Variants in ACVR1C observed in about 807,000 individuals in gnomAD.
ACVR1C encodes activin A receptor type 1C, also known as activin receptor type-1C.
Under a neutral mutation model 57.9 loss-of-function variants are expected in ACVR1C, and 23 were observed. That is an observed-to-expected ratio of 0.40 (90% confidence interval 0.29 to 0.56). The LOEUF (loss-of-function observed/expected upper bound fraction) is 0.56. Ranked by LOEUF, ACVR1C falls within the 20% of genes least tolerant of loss-of-function variation. The pLI is 0.50. For missense variants in ACVR1C, 480 were observed against 607.9 expected, an observed-to-expected ratio of 0.79 and a Z score of 2.21; for synonymous variants, 214 against 215.3, an observed-to-expected ratio of 0.99 and a Z score of 0.05.
intron 1 of ACVR1C, chr2:157,597,296 A>C: frequency 2.1e-6 from 2 of 957,712 alleles, no homozygotes; most frequent in Non-Finnish European, 2.5e-6. Flanking sequence ...CCCGGTCCCC[A>C]GCGCGCTCCC....
chr2:157,537,248 T>C (rs1413972820), intron 8 of ACVR1C, among the ~76,000 whole-genome samples: 2 of 152,032 alleles, frequency 1.3e-5, no homozygotes, highest in Non-Finnish European at 2.9e-5. Flanking sequence ...TTGATTATAA[T>C]ATAAGTAACC....
intron 1 of ACVR1C, among the ~76,000 whole-genome samples, chr2:157,601,509 A>C (rs1385795106): frequency 6.6e-6 from 1 of 152,198 alleles, no homozygotes; most frequent in Non-Finnish European, 1.5e-5. Context: ...ACCTCCAAAA[A>C]GTCTCAAAGA....
intron 1 of ACVR1C, among the ~76,000 whole-genome samples, chr2:157,600,714 T>C (rs1256221891): frequency 2.0e-5 from 3 of 152,164 alleles, no homozygotes. Context: ...TAGCTAAAAA[T>C]AGAGTGGCAA....
intron 2 of ACVR1C, among the ~76,000 whole-genome samples, chr2:157,572,365 A>AC (rs1688533232): frequency 8.0e-6 from 1 of 124,650 alleles, no homozygotes; most frequent in Non-Finnish European, 1.8e-5. Context: ...TTAGAGTATA[A>AC]TAAAAAAAAA....
rs1363189110 is a variant in ACVR1C at position 157,532,741 on chromosome 2, G to A, written c.*1177C>T. Reference sequence around the variant, plus strand: ...AGAGGAATATCTATTTGCTGTTTCTGATACCGTCTGTAGGGTTTGGTTGTT... The same window carrying A: ...AGAGGAATATCTATTTGCTGTTTCTAATACCGTCTGTAGGGTTTGGTTGTT... On this transcript the variant is annotated 3_prime_UTR_variant, in exon 9 of 9. Transcript: ENST00000243349. 1 of 152,118 alleles carries A rather than the reference G, an allele frequency of 6.6e-6. No individual in the cohort carries two copies. Among genetic ancestry groups the A allele is most frequent in the Non-Finnish European group, 1.5e-5 (1 of 67,992 alleles). 9.4% of individuals were successfully genotyped at this position (152,118 alleles called of 1,614,324 possible).
intron 3 of ACVR1C, among the ~76,000 whole-genome samples, chr2:157,552,525 C>G (rs1687947001): frequency 6.6e-6 from 1 of 152,172 alleles, no homozygotes; most frequent in South Asian, 2.1e-4. Context: ...CAATCTCAGT[C>G]TCTCCCTTCC....
chr2:157,552,610 A>G (rs529490534), intron 3 of ACVR1C, among the ~76,000 whole-genome samples: 1 of 152,300 alleles, frequency 6.6e-6, no homozygotes, highest in South Asian at 2.1e-4. Context: ...AACCAGCACT[A>G]CCCAAAACAC....
At chr2:157,598,066 T>G (rs1325846900) in intron 1 of ACVR1C, among the ~76,000 whole-genome samples, 1 of 152,186 alleles carries the variant, frequency 6.6e-6, no homozygotes, top group Non-Finnish European at 1.5e-5. Flanking sequence ...GTTATATTTA[T>G]GCTCACATAA....
At position 157,531,783 on chromosome 2, in the gene ACVR1C, TAC is replaced by T. The variant is rs1356590048; in HGVS notation, c.*2133_*2134del. ...ATTGTCTGTAATATCCAAATAAAGCTACTTTCTAAATGTGTTGCAAATGAAAG... is the reference window on the plus strand; with the variant it reads ...ATTGTCTGTAATATCCAAATAAAGCTTTTCTAAATGTGTTGCAAATGAAAG... On this transcript the variant is annotated 3_prime_UTR_variant, in exon 9 of 9. Coordinates refer to ENST00000243349, the MANE Select transcript of ACVR1C (RefSeq NM_145259.3). 2 of 152,122 alleles carry T rather than the reference TAC, an allele frequency of 1.3e-5. No homozygotes were observed. Among genetic ancestry groups the T allele is most frequent in the Non-Finnish European group, 2.9e-5 (2 of 67,978 alleles). 9.4% of individuals were successfully genotyped at this position (152,122 alleles called of 1,614,324 possible).
intron 2 of ACVR1C, among the ~76,000 whole-genome samples, chr2:157,567,258 G>C (rs1222671698): frequency 2.0e-5 from 2 of 101,668 alleles, no homozygotes; most frequent in Admixed American, 9.6e-5. Flanking sequence ...AAACCACAAA[G>C]TTGGGGAAAA....
At chr2:157,551,048 T>C (rs1687901655) in intron 3 of ACVR1C, among the ~76,000 whole-genome samples, 1 of 152,220 alleles carries the variant, frequency 6.6e-6, no homozygotes, top group Non-Finnish European at 1.5e-5. Context: ...AAATACTTAA[T>C]GCAAAATGTA....
intron 2 of ACVR1C, among the ~76,000 whole-genome samples, chr2:157,584,189 G>T (rs936734477): frequency 6.7e-6 from 1 of 148,470 alleles, no homozygotes; most frequent in African/African-American, 2.5e-5. Flanking sequence ...AAAAAAACCC[G>T]CCTCCTGGGT....
At chr2:157,589,603 G>T (rs545253004) in intron 1 of ACVR1C, among the ~76,000 whole-genome samples, 7 of 151,950 alleles carry the variant, frequency 4.6e-5, no homozygotes, top group Middle Eastern at 3.4e-3. Flanking sequence ...TGACCATGCT[G>T]CTCAAAGCAA....
intron 1 of ACVR1C, among the ~76,000 whole-genome samples, chr2:157,599,228 G>A (rs1006506837): frequency 7.5e-5 from 11 of 147,594 alleles, no homozygotes; most frequent in African/African-American, 2.8e-4. Context: ...CAGGTACTCT[G>A]GAGGCTGAGG....
At position 157,531,374 on chromosome 2, in the gene ACVR1C, C is replaced by A. The variant is rs1687346918; in HGVS notation, c.*2544G>T. The A allele has an allele frequency of 6.6e-6, 1 of 151,962 alleles. No individual in the cohort carries two copies. Among genetic ancestry groups the A allele is most frequent in the South Asian group, 2.1e-4 (1 of 4,822 alleles). 9.4% of individuals were successfully genotyped at this position (151,962 alleles called of 1,614,324 possible). ...AGTTAGGAGTCATAGTTAAACAACA[C>A]AAGAACAAGAAAAATACCTCAAAAT... On this transcript the variant is annotated 3_prime_UTR_variant, in exon 9 of 9. Transcript: ENST00000243349.
chr2:157,589,902 G>A (rs962878366), intron 1 of ACVR1C, among the ~76,000 whole-genome samples: 12 of 151,776 alleles, frequency 7.9e-5, no homozygotes, highest in African/African-American at 2.7e-4. Flanking sequence ...ACTGATCTCC[G>A]ACAAAGCACA....
At chr2:157,603,538 G>T (rs563891719) in intron 1 of ACVR1C, among the ~76,000 whole-genome samples, 6 of 152,108 alleles carry the variant, frequency 3.9e-5, no homozygotes, top group Admixed American at 1.3e-4. Flanking sequence ...TAGCCCATAA[G>T]TGTTCTCCTG....
intron 1 of ACVR1C, among the ~76,000 whole-genome samples, chr2:157,614,771 C>T (rs1254318614): frequency 2.0e-5 from 3 of 152,116 alleles, no homozygotes; most frequent in African/African-American, 4.8e-5. Context: ...TATCTTTTGA[C>T]GTCTATTTTG....
At chr2:157,580,435 A>G (rs1327055597) in intron 2 of ACVR1C, among the ~76,000 whole-genome samples, 1 of 152,150 alleles carries the variant, frequency 6.6e-6, no homozygotes, top group Non-Finnish European at 1.5e-5. Context: ...TGTATATGGT[A>G]TGACACTGTG....
Sources: allele counts gnomAD v4.1 joint callset (sites outside exome capture counted in the v4.1 genomes callset), GRCh38; gene constraint gnomAD v4.1.1; transcripts MANE v1.5; gene names NCBI Gene and HGNC (gene_info 2026-07-23, HGNC 2026-07-21).